CREBBP: variants seen among roughly 807,000 people sequenced by gnomAD.
CREBBP encodes the protein CREB binding lysine acetyltransferase.
CREBBP carries 19 observed loss-of-function variants against 265.0 expected under a neutral mutation model. The observed-to-expected ratio is 0.07, with a 90% confidence interval of 0.05 to 0.11. The LOEUF (loss-of-function observed/expected upper bound fraction) is 0.11, where lower values mean the gene tolerates loss of function less well. CREBBP is among the 10% of genes least tolerant of loss of function. The pLI, the probability that CREBBP is intolerant of heterozygous loss-of-function variation, is 1.00. For synonymous variants in CREBBP, 1,457 were observed against 1,223.7 expected, an observed-to-expected ratio of 1.19 and a Z score of -3.98; for missense variants, 2,525 against 3,219.0, an observed-to-expected ratio of 0.78 and a Z score of 5.22.
chr16:3,835,376 T>C (rs1279531237), intron 2 of CREBBP, among the ~76,000 whole-genome samples: 2 of 151,836 alleles, frequency 1.3e-5, no homozygotes, highest in African/African-American at 4.8e-5. Flanking sequence ...ATAAAACCCA[T>C]CCTTACGTGG....
intron 19 of CREBBP, among the ~76,000 whole-genome samples, chr16:3,755,042 C>T (rs968431689): frequency 1.9e-4 from 29 of 152,192 alleles, no homozygotes; most frequent in African/African-American, 6.8e-4. Flanking sequence ...AACGCTACGC[C>T]TACGCTTTAA....
intron 2 of CREBBP, among the ~76,000 whole-genome samples, chr16:3,822,155 C>G (rs912895517): frequency 1.3e-5 from 2 of 152,118 alleles, no homozygotes; most frequent in Admixed American, 1.3e-4. Context: ...AGTCACCTGA[C>G]AAAGCCACCC....
At chr16:3,767,565 G>A (rs748563733) in intron 16 of CREBBP, 155 bp downstream of exon 16, 11 of 984,872 alleles carry the variant, frequency 1.1e-5, no homozygotes, top group Non-Finnish European at 1.7e-5. Context: ...CTCAGCCTGA[G>A]TGTTTCTGCA....
chr16:3,821,900 C>T (rs974173913), intron 2 of CREBBP, among the ~76,000 whole-genome samples: 1 of 152,078 alleles, frequency 6.6e-6, no homozygotes, highest in African/African-American at 2.4e-5. Flanking sequence ...CATGGTGGCA[C>T]ACACCTGTAG....
intron 15 of CREBBP, among the ~76,000 whole-genome samples, chr16:3,768,147 T>TTTG (rs2052908491): frequency 2.8e-5 from 3 of 108,916 alleles, no homozygotes; most frequent in Admixed American, 9.0e-5. Flanking sequence ...TTTTTTTTTT[T>TTTG]TTTTTTTTTT....
At chr16:3,841,091 C>T (rs554409045) in intron 2 of CREBBP, 1 of 154,498 alleles carries the variant, frequency 6.5e-6, no homozygotes, top group Non-Finnish European at 1.5e-5. Context: ...CTACAATAGA[C>T]TATATATCAA....
chr16:3,857,264 C>A (rs749974497), intron 1 of CREBBP, among the ~76,000 whole-genome samples: 39 of 152,210 alleles, frequency 2.6e-4, no homozygotes, highest in Non-Finnish European at 5.6e-4. Flanking sequence ...ACTTTTTCAT[C>A]CTATTTCAGT....
At chr16:3,824,680 G>A (rs940995175) in intron 2 of CREBBP, among the ~76,000 whole-genome samples, 1 of 152,100 alleles carries the variant, frequency 6.6e-6, no homozygotes, top group South Asian at 2.1e-4. Context: ...GCCCACACGC[G>A]GCGGCAGCAG....
Position 3,868,337 on chromosome 16 carries a change from T to G in CREBBP, c.85+11495A>C, listed in dbSNP as rs932866859. ...TAAATAAGAACACTAGTTCCAGTTCTTAAGCTGCTTTTCATGGGGCCCTTT... is the reference window on the plus strand; with the variant it reads ...TAAATAAGAACACTAGTTCCAGTTCGTAAGCTGCTTTTCATGGGGCCCTTT... On this transcript the variant is annotated intron_variant, in intron 1 of 30. Transcript: ENST00000262367. Among the ~76,000 whole-genome samples, 44 of 129,420 alleles carry G rather than the reference T, an allele frequency of 3.4e-4. 4 individuals carry two copies. Among genetic ancestry groups the G allele is most frequent in the Non-Finnish European group, 1.8e-5 (1 of 55,220 alleles). 84.9% of individuals were successfully genotyped at this position (129,420 alleles called of 152,430 possible). A position where few individuals can be genotyped will look rare whatever the true frequency, so the allele number is the denominator to read the frequency against.
In CREBBP at chr16:3,736,839, CA is replaced by C. The variant is rs755851495; in HGVS notation, c.4395-25del. ...ACCTGCAGGACCCACGCACACACGT[CA>C]GATGAACGTGCCAGTGAAATCGGCC... On this transcript the variant is annotated intron_variant, in intron 26 of 30. Transcript: ENST00000262367. 7.4e-6 allele frequency: 12 copies of C among 1,613,954 alleles called. No homozygotes were observed. In the South Asian group the frequency reaches 1.2e-4, roughly 16 times the overall value.
At chr16:3,782,991 G>A in intron 5 of CREBBP, 65 bp from the exon 6 acceptor site, 1 of 1,603,088 alleles carries the variant, frequency 6.2e-7, no homozygotes, top group South Asian at 1.1e-5. Context: ...GCCCACGAAT[G>A]ATTTAAAAAC....
chr16:3,736,174 C>G lies in CREBBP; in HGVS notation c.4590G>C (p.Arg1530Ser), dbSNP rs765050154. The part of the protein sequence containing the change: ...KDIFKQATED[R>S]LTSAKELPYF... ...AGGGCAGTTCCTTGGCACTGGTGAG[C>G]CTGTCTTCAGTTGCTTGTTTGAAAA... Residue 1530 changes from arginine (R) to serine (S), a missense_variant, in exon 28 of 31, where the codon AGG becomes AGC. Coordinates refer to ENST00000262367, the MANE Select transcript of CREBBP (RefSeq NM_004380.3). The G allele has an allele frequency of 6.2e-7, 1 of 1,614,112 alleles. No individual in the cohort carries two copies. The highest frequency in any genetic ancestry group is 8.5e-7 in the Non-Finnish European group (1 of 1,180,048).
chr16:3,802,827 C>T (rs1402900081), intron 3 of CREBBP, among the ~76,000 whole-genome samples: 1 of 152,086 alleles, frequency 6.6e-6, no homozygotes, highest in Admixed American at 6.5e-5. Flanking sequence ...ACCTATGCTC[C>T]TCGGATACTC....
rs2055511543 is a variant in CREBBP at position 3,880,500 on chromosome 16, CGCT to C, written c.-587_-585del. On this transcript the variant is annotated 5_prime_UTR_variant, in exon 1 of 31. Transcript: ENST00000262367. ...CCCCCCGTTCCGCCGCCGCCGCCGCCGCTGCCGCCGCCGCCGCCGCCGGGCTCC... is the reference window on the plus strand; with the variant it reads ...CCCCCCGTTCCGCCGCCGCCGCCGCCGCCGCCGCCGCCGCCGCCGGGCTCC... 6.9e-6 allele frequency: 1 copy of C among 144,940 alleles called. No homozygotes were observed. The highest frequency in any genetic ancestry group is 1.5e-5 in the Non-Finnish European group (1 of 65,516). 9.0% of individuals were successfully genotyped at this position (144,940 alleles called of 1,614,324 possible). A position where few individuals can be genotyped will look rare whatever the true frequency, so the allele number is the denominator to read the frequency against.
At position 3,736,375 on chromosome 16, in the gene CREBBP, C is replaced by A. The variant is rs151287806; in HGVS notation, c.4561-172G>T. 1.1e-3 allele frequency: 890 copies of A among 777,750 alleles called. 2 individuals carry two copies. The highest frequency in any genetic ancestry group is 1.5e-3 in the Non-Finnish European group (719 of 466,794). The allele number at this position is 777,750 out of a possible 1,614,324, so 48.2% of individuals were successfully genotyped here. A position where few individuals can be genotyped will look rare whatever the true frequency, so the allele number is the denominator to read the frequency against. ...CCCCACACATGTGCACCCCCCACCA[C>A]AGTGCTGGAGCCCCTATGTGTGCAA... On this transcript the variant is annotated intron_variant, in intron 27 of 30. Coordinates refer to ENST00000262367, the MANE Select transcript of CREBBP (RefSeq NM_004380.3).
rs558208038 is a variant in CREBBP at position 3,741,006 on chromosome 16, T to G, written c.3983-457A>C. 61 of 279,812 alleles carry G rather than the reference T, an allele frequency of 2.2e-4. 1 individual carries two copies. The highest frequency in any genetic ancestry group is 1.2e-3 in the African/African-American group (56 of 45,410). The allele number at this position is 279,812 out of a possible 1,614,324, so 17.3% of individuals were successfully genotyped here. On this transcript the variant is annotated intron_variant, in intron 23 of 30. Transcript: ENST00000262367. ...GTGGAACGTTCTAGGGCTAACCAAT[T>G]AAGCTCTGGCCAGAGCCTGTCCGGT...
Position 3,727,958 on chromosome 16 carries a change from C to T in CREBBP, c.7089G>A (p.Pro2363=), listed in dbSNP as rs199610814. Residue 2363 remains proline, a synonymous_variant, in exon 31 of 31, where the codon CCG becomes CCA. Coordinates refer to ENST00000262367, the MANE Select transcript of CREBBP (RefSeq NM_004380.3). ...RPQSQPPHSS[P]SPRIQPQPSP... is the part of the protein sequence containing the mutation. The stretch of plus-strand genomic sequence containing the variant: ...AAGGCTGGGGCTGTATCCGTGGTGA[C>T]GGGCTGGAATGTGGAGGCTGGGACT... 241 of 1,606,808 alleles carry T rather than the reference C, an allele frequency of 1.5e-4. 2 individuals are homozygous for T. The South Asian group carries it at 1.8e-3, about 12-fold the overall frequency.
At chr16:3,836,052 G>C (rs1488448044) in intron 2 of CREBBP, among the ~76,000 whole-genome samples, 1 of 152,062 alleles carries the variant, frequency 6.6e-6, no homozygotes, top group East Asian at 1.9e-4. Flanking sequence ...GTGAGCAAAA[G>C]AAGCCTTATA....
chr16:3,878,834 T>C (rs1764141809), intron 1 of CREBBP, among the ~76,000 whole-genome samples: 1 of 152,226 alleles, frequency 6.6e-6, no homozygotes, highest in African/African-American at 2.4e-5. Flanking sequence ...GAAATACAAC[T>C]AGTTCATGTT....
Sources: allele counts gnomAD v4.1 joint callset (sites outside exome capture counted in the v4.1 genomes callset), GRCh38; gene constraint gnomAD v4.1.1; transcripts MANE v1.5; gene names NCBI Gene and HGNC (gene_info 2026-07-23, HGNC 2026-07-21).